Variants in KCNT2 observed in about 807,000 individuals in gnomAD.
KCNT2 encodes the protein potassium sodium-activated channel subfamily T member 2.
KCNT2 carries 67 observed loss-of-function variants against 153.8 expected under a neutral mutation model. The observed-to-expected ratio is 0.44, with a 90% CI of 0.36 to 0.53. The LOEUF (loss-of-function observed/expected upper bound fraction) is 0.53, where lower values mean the gene tolerates loss of function less well. Ranked by LOEUF, KCNT2 falls within the 20% of genes least tolerant of loss-of-function variation. The pLI, the probability that KCNT2 is intolerant of heterozygous loss-of-function variation, is 0.00. For synonymous variants in KCNT2, 500 were observed against 458.8 expected, an observed-to-expected ratio of 1.09 and a Z score of -1.15; for missense variants, 975 against 1,354.8, an observed-to-expected ratio of 0.72 and a Z score of 4.40.
At chr1:196,348,557 G>C (rs1666336093) in intron 14 of KCNT2, among the ~76,000 whole-genome samples, 1 of 152,086 alleles carries the variant, frequency 6.6e-6, no homozygotes, top group Admixed American at 6.6e-5. Context: ...GAATAGTAAA[G>C]AATCCTTCCT....
chr1:196,441,118 A>G (rs1022892495), intron 8 of KCNT2, among the ~76,000 whole-genome samples: 14 of 151,910 alleles, frequency 9.2e-5, no homozygotes, highest in African/African-American at 3.1e-4. Context: ...ACTGTAACTC[A>G]TTAAAAAAAT....
At chr1:196,508,693 A>C (rs1196030428) in intron 1 of KCNT2, among the ~76,000 whole-genome samples, 2 of 152,242 alleles carry the variant, frequency 1.3e-5, no homozygotes, top group Non-Finnish European at 2.9e-5. Context: ...GAGAAATGTT[A>C]AACCTCATTA....
chr1:196,382,020 A>C (rs2027368), intron 13 of KCNT2, among the ~76,000 whole-genome samples: 41,133 of 152,040 alleles, frequency 0.27, 5,960 homozygotes, highest in Admixed American at 0.33. Flanking sequence ...GAGGATATAC[A>C]GATACTTTGC....
chr1:196,493,204 A>G (rs1679987988), intron 1 of KCNT2, among the ~76,000 whole-genome samples: 1 of 152,160 alleles, frequency 6.6e-6, no homozygotes, highest in African/African-American at 2.4e-5. Context: ...ATGAGTTAGA[A>G]TTTCAAAAAC....
In KCNT2 at chr1:196,382,589, G is replaced by A. The variant is rs184919995; in HGVS notation, c.1295-9341C>T. Reference sequence around the variant, plus strand: ...AAAAATATTGCTGAGGTTGCTGATAGGGTATGAGGTAATTGGGCACTCAGC... The same window carrying A: ...AAAAATATTGCTGAGGTTGCTGATAAGGTATGAGGTAATTGGGCACTCAGC... On this transcript the variant is annotated intron_variant, in intron 13 of 27. Transcript: ENST00000294725. Among the ~76,000 whole-genome samples the A allele has an allele frequency of 2.6e-5, 4 of 152,122 alleles. No homozygotes were observed. In the East Asian group the frequency reaches 7.8e-4, roughly 30 times the overall value.
At chr1:196,510,263 A>G (rs950616170) in intron 1 of KCNT2, among the ~76,000 whole-genome samples, 1 of 152,134 alleles carries the variant, frequency 6.6e-6, no homozygotes, top group Admixed American at 6.5e-5. Context: ...ACTTATCAAG[A>G]GGAACTATTT....
intron 1 of KCNT2, among the ~76,000 whole-genome samples, chr1:196,512,920 G>A (rs1407899154): frequency 6.6e-6 from 1 of 152,040 alleles, no homozygotes; most frequent in Non-Finnish European, 1.5e-5. Context: ...CTGCCAGATT[G>A]GATCCCTAGG....
intron 25 of KCNT2, among the ~76,000 whole-genome samples, chr1:196,261,834 C>T (rs987335475): frequency 1.3e-4 from 19 of 151,734 alleles, no homozygotes; most frequent in Admixed American, 5.9e-4. Flanking sequence ...TAATCGTTAA[C>T]TTGAAAAATC....
chr1:196,515,127 A>G (rs1681944757), intron 1 of KCNT2, among the ~76,000 whole-genome samples: 1 of 152,196 alleles, frequency 6.6e-6, no homozygotes, highest in Non-Finnish European at 1.5e-5. Context: ...AATGATGGAA[A>G]AGGACTATGA....
intron 3 of KCNT2, among the ~76,000 whole-genome samples, chr1:196,486,885 GGTGA>G (rs2148718603): frequency 6.6e-6 from 1 of 151,566 alleles, no homozygotes; most frequent in East Asian, 1.9e-4. Flanking sequence ...CCAAAAACTA[GGTGA>G]CCAAAATATG....
intron 12 of KCNT2, among the ~76,000 whole-genome samples, chr1:196,406,912 C>T (rs1671879046): frequency 6.6e-6 from 1 of 151,336 alleles, no homozygotes; most frequent in African/African-American, 2.4e-5. Flanking sequence ...CAAAATCTTA[C>T]CAGAAATTTT....
At position 196,254,906 on chromosome 1, in the gene KCNT2, T is replaced by C. The variant is rs150665879; in HGVS notation, c.3211+3288A>G. 4.6e-3 allele frequency among the ~76,000 whole-genome samples: 699 copies of C among 151,704 alleles called. 4 individuals carry two copies. The highest frequency in any genetic ancestry group is 0.016 in the African/African-American group (671 of 41,536). On this transcript the variant is annotated intron_variant, in intron 26 of 27. Transcript: ENST00000294725. ...AAAGGACAAGCCTAGACACTGTTAG[T>C]TATCTTGTTTTATTTAAAAGGATTT... is the stretch of plus-strand genomic sequence containing the variant.
At chr1:196,289,759 A>G (rs1571922779) in intron 22 of KCNT2, among the ~76,000 whole-genome samples, 1 of 152,138 alleles carries the variant, frequency 6.6e-6, no homozygotes, top group African/African-American at 2.4e-5. Flanking sequence ...AACATACACT[A>G]TGATTCCTTT....
chr1:196,589,496 A>G (rs901904392), intron 1 of KCNT2, among the ~76,000 whole-genome samples: 2 of 152,126 alleles, frequency 1.3e-5, no homozygotes, highest in Non-Finnish European at 2.9e-5. Context: ...AAGTTTAAGC[A>G]TAACATTTTT....
At chr1:196,395,418 C>A (rs1670851867) in intron 13 of KCNT2, among the ~76,000 whole-genome samples, 1 of 151,514 alleles carries the variant, frequency 6.6e-6, no homozygotes, top group South Asian at 2.1e-4. Context: ...AAGTACAATA[C>A]AAATTTGTTA....
At chr1:196,273,978 G>A (rs1205260107) in intron 25 of KCNT2, among the ~76,000 whole-genome samples, 1 of 151,646 alleles carries the variant, frequency 6.6e-6, no homozygotes, top group Non-Finnish European at 1.5e-5. Flanking sequence ...AGCTACTATA[G>A]TCATAACAGA....
chr1:196,490,969 T>C (rs970162574), intron 2 of KCNT2, among the ~76,000 whole-genome samples: 2 of 152,048 alleles, frequency 1.3e-5, no homozygotes, highest in African/African-American at 4.8e-5. Context: ...GGTCGATGCT[T>C]ATCATTTGTG....
intron 10 of KCNT2, among the ~76,000 whole-genome samples, chr1:196,427,316 G>A (rs1288234144): frequency 6.6e-6 from 1 of 151,902 alleles, no homozygotes; most frequent in East Asian, 1.9e-4. Flanking sequence ...TATTTATAAA[G>A]GTCTACAAAA....
chr1:196,537,670 T>C (rs1655768203), intron 1 of KCNT2, among the ~76,000 whole-genome samples: 1 of 152,214 alleles, frequency 6.6e-6, no homozygotes, highest in South Asian at 2.1e-4. Context: ...GACTGGGTCA[T>C]GCAGCAATGT....
Sources: allele counts gnomAD v4.1 joint callset (sites outside exome capture counted in the v4.1 genomes callset), GRCh38; gene constraint gnomAD v4.1.1; transcripts MANE v1.5; gene names NCBI Gene and HGNC (gene_info 2026-07-23, HGNC 2026-07-21).